The following CDK13 variants were observed in gnomAD, a reference collection of about 807,000 sequenced individuals.
The protein encoded by CDK13 is cyclin-dependent kinase 13.
A neutral mutation model predicts 137.6 loss-of-function variants in CDK13; 40 were observed. That is an observed-to-expected ratio of 0.29 (90% confidence interval 0.23 to 0.38). The LOEUF is 0.38. Ranked by LOEUF, CDK13 falls within the 10% of genes least tolerant of loss-of-function variation. CDK13 has a pLI of 1.00. For missense variants in CDK13, 1,704 were observed against 1,951.8 expected (o/e 0.87, Z 2.39); for synonymous variants, 869 against 760.1 (o/e 1.14, Z -2.36).
intron 5 of CDK13, among the ~76,000 whole-genome samples, chr7:40,012,960 C>G (rs1338095480): frequency 6.6e-6 from 1 of 151,398 alleles, no homozygotes; most frequent in Admixed American, 6.6e-5. Context: ...ATTTGTTAAG[C>G]TCATGTTCAT....
At chr7:40,094,033 A>G (rs1016253419) in intron 13 of CDK13, 97 bp from the exon 14 acceptor site, 155 of 1,384,920 alleles carry the variant, frequency 1.1e-4, no homozygotes, top group Middle Eastern at 1.9e-4. Flanking sequence ...TGGAACTTCT[A>G]ATCATCTTTA....
At chr7:39,993,723 TG>T (rs1201072876) in intron 2 of CDK13, among the ~76,000 whole-genome samples, 1 of 152,140 alleles carries the variant, frequency 6.6e-6, no homozygotes, top group African/African-American at 2.4e-5. Context: ...TGTTGATTAA[TG>T]GATACTTAGG....
intron 7 of CDK13, among the ~76,000 whole-genome samples, chr7:40,057,468 C>A (rs748538043): frequency 1.3e-5 from 2 of 152,100 alleles, no homozygotes; most frequent in African/African-American, 2.4e-5. Context: ...CTAGAAATGG[C>A]ACTTATCACA....
intron 6 of CDK13, 22 bp downstream of exon 6, chr7:40,046,047 A>C: frequency 7.3e-7 from 1 of 1,362,202 alleles, no homozygotes; most frequent in Non-Finnish European, 1.0e-6. Flanking sequence ...AACTTTATAT[A>C]TATTTAAAAT....
chr7:40,080,550 T>A (rs765384808), intron 11 of CDK13, among the ~76,000 whole-genome samples: 3 of 152,150 alleles, frequency 2.0e-5, no homozygotes, highest in Non-Finnish European at 2.9e-5. Context: ...CCAAAAAGGA[T>A]CTATTACCTG....
intron 1 of CDK13, among the ~76,000 whole-genome samples, chr7:39,976,323 TCACACACACA>T (rs764395925): frequency 7.6e-5 from 3 of 39,584 alleles, no homozygotes; most frequent in East Asian, 7.1e-4. Flanking sequence ...TCTCTCTCTC[TCACACACACA>T]CACACACACA....
rs1404949183 is a variant in CDK13, at chr7:40,080,569, AGG to A, written c.3029+1720_3029+1721del. ...AAAGGATCTATTACCTGACATCATG[AGG>A]GACCTGAATTTTTCACTGTTGAATT... On this transcript the variant is annotated intron_variant, in intron 11 of 13. Coordinates refer to ENST00000181839, the MANE Select transcript of CDK13 (RefSeq NM_003718.5). 1.5e-4 allele frequency among the ~76,000 whole-genome samples: 23 copies of A among 152,308 alleles called. No individual in the cohort carries two copies. In the South Asian group the frequency reaches 4.3e-3, roughly 29 times the overall value.
At position 39,950,279 on chromosome 7, in the gene CDK13, C is replaced by T. The variant is rs894645691; in HGVS notation, c.-363C>T. On this transcript the variant is annotated 5_prime_UTR_variant, in exon 1 of 14. Coordinates refer to ENST00000181839, the MANE Select transcript of CDK13 (RefSeq NM_003718.5). The stretch of plus-strand genomic sequence containing the variant: ...GTACTTCCGCGTTGCGCTGCCCGAG[C>T]CGAGAGCGCGGCCAAGGCCGCTCCC... The T allele has an allele frequency of 2.8e-6, 3 of 1,062,642 alleles. No homozygotes were observed. Among genetic ancestry groups the T allele is most frequent in the Admixed American group, 5.4e-5 (1 of 18,402 alleles). The allele number at this position is 1,062,642 out of a possible 1,614,324, so 65.8% of individuals were successfully genotyped here.
At position 39,950,863 on chromosome 7, in the gene CDK13, C is replaced by A; in HGVS notation, c.222C>A (p.Ala74=). Residue 74 remains alanine (A), a synonymous_variant, in exon 1 of 14, where the codon GCC becomes GCA. Coordinates refer to ENST00000181839, the MANE Select transcript of CDK13 (RefSeq NM_003718.5). The part of the protein sequence containing the change: ...PGTAAAAAAA[A]AASSSCFSPG... ...CGGCCGCCGCCGCAGCCGCCGCCGC[C>A]GCGGCCTCCTCCTCTTGCTTCAGCC... is the stretch of plus-strand genomic sequence containing the variant. 1 of 1,368,082 alleles carries A rather than the reference C, an allele frequency of 7.3e-7. No individual in the cohort carries two copies. The highest frequency in any genetic ancestry group is 9.3e-7 in the Non-Finnish European group (1 of 1,071,574). The allele number at this position is 1,368,082 out of a possible 1,614,324, so 84.7% of individuals were successfully genotyped here. A position where few individuals can be genotyped will look rare whatever the true frequency, so the allele number is the denominator to read the frequency against.
intron 7 of CDK13, among the ~76,000 whole-genome samples, chr7:40,060,196 A>C (rs999204406): frequency 1.3e-5 from 2 of 152,166 alleles, no homozygotes; most frequent in African/African-American, 4.8e-5. Flanking sequence ...TCTTTTACTT[A>C]TTCCTTTTTA....
At chr7:40,059,434 A>G (rs1786092453) in intron 7 of CDK13, among the ~76,000 whole-genome samples, 1 of 152,220 alleles carries the variant, frequency 6.6e-6, no homozygotes, top group Admixed American at 6.5e-5. Context: ...ATGTCAGCTC[A>G]CTGCAACCTC....
At chr7:40,050,071 C>T (rs993010757) in intron 7 of CDK13, among the ~76,000 whole-genome samples, 21 of 151,936 alleles carry the variant, frequency 1.4e-4, no homozygotes, top group Admixed American at 9.8e-4. Context: ...CCTCCACCTC[C>T]GGGGTCCAAG....
intron 5 of CDK13, among the ~76,000 whole-genome samples, chr7:40,012,870 C>T (rs1180635183): frequency 6.6e-6 from 1 of 150,690 alleles, no homozygotes; most frequent in South Asian, 2.1e-4. Flanking sequence ...CAAGATTGCA[C>T]CACTGCACTC....
At chr7:40,079,930 T>TA (rs1243907680) in intron 11 of CDK13, among the ~76,000 whole-genome samples, 1 of 152,146 alleles carries the variant, frequency 6.6e-6, no homozygotes, top group African/African-American at 2.4e-5. Flanking sequence ...AGGAAAACGT[T>TA]CATTTGCATT....
rs372977005 is a variant in CDK13 at position 40,047,237 on chromosome 7, A to G, written c.2544-584A>G. ...AGTGTGTACACACACATACACATTC[A>G]CATATTTAAAACTTATGTAAATAAG... On this transcript the variant is annotated intron_variant, in intron 6 of 13. Transcript: ENST00000181839. Among the ~76,000 whole-genome samples the G allele has an allele frequency of 3.9e-4, 59 of 152,282 alleles. 1 individual carries two copies. In the South Asian group the frequency reaches 0.012, roughly 30 times the overall value.
intron 5 of CDK13, among the ~76,000 whole-genome samples, chr7:40,014,852 G>A (rs922068995): frequency 1.3e-5 from 2 of 152,032 alleles, no homozygotes; most frequent in African/African-American, 2.4e-5. Flanking sequence ...ATAATTGTAT[G>A]TTTTACATAG....
chr7:40,093,150 G>A lies in CDK13; in HGVS notation c.3601G>A (p.Val1201Met), dbSNP rs752213034. The A allele has an allele frequency of 1.2e-6, 2 of 1,614,186 alleles. No individual in the cohort carries two copies. The highest frequency in any genetic ancestry group is 1.7e-6 in the Non-Finnish European group (2 of 1,180,030). Residue 1201 changes from valine to methionine, a missense_variant, in exon 13 of 14, where the codon GTG becomes ATG. Val to Met is a conservative substitution (Grantham distance 21). Transcript: ENST00000181839. Reference protein sequence around the residue: ...IKAQQSKQKDVLLEERENGSG... With the variant: ...IKAQQSKQKDMLLEERENGSG... ...GGCTCAGCAGTCAAAGCAGAAAGAT[G>A]TGCTACTAGAAGAGAGGGAAAATGG... is the stretch of plus-strand genomic sequence containing the variant.
chr7:40,085,331 A>G (rs1786765263), intron 11 of CDK13, among the ~76,000 whole-genome samples: 2 of 151,956 alleles, frequency 1.3e-5, no homozygotes, highest in Non-Finnish European at 2.9e-5. Flanking sequence ...ACTGCACTCC[A>G]GCCTGGGTGA....
At position 40,047,012 on chromosome 7, in the gene CDK13, C is replaced by CAAAAA. The variant is rs398040131; in HGVS notation, c.2544-790_2544-786dup. Among the ~76,000 whole-genome samples, 505 of 65,584 alleles carry CAAAAA rather than the reference C, an allele frequency of 7.7e-3. 9 individuals carry two copies. Among genetic ancestry groups the CAAAAA allele is most frequent in the African/African-American group, 0.01 (169 of 16,836 alleles). 43.0% of individuals were successfully genotyped at this position (65,584 alleles called of 152,430 possible). ...TGACAAAGCAAGCAAGACTCGGTCTCAAAAAAAAAAAAAAAAAAAAAAATC... is the reference window on the plus strand; with the variant it reads ...TGACAAAGCAAGCAAGACTCGGTCTCAAAAAAAAAAAAAAAAAAAAAAAAAAAATC... On this transcript the variant is annotated intron_variant, in intron 6 of 13. Coordinates refer to ENST00000181839, the MANE Select transcript of CDK13 (RefSeq NM_003718.5).
Sources: gnomAD v4.1 joint callset for allele counts (sites outside exome capture counted in the v4.1 genomes callset) on GRCh38, gnomAD v4.1.1 for gene constraint, MANE v1.5 for transcripts, NCBI Gene and HGNC (gene_info 2026-07-23, HGNC 2026-07-21) for gene names.